TMEM117: variants seen among roughly 807,000 people sequenced by gnomAD.
The protein encoded by TMEM117 is transmembrane protein 117.
In TMEM117, 27 loss-of-function variants were observed where a neutral mutation model predicts 52.4. That is an observed-to-expected ratio of 0.51 (90% CI 0.38 to 0.71). The LOEUF is 0.71. Ranked by LOEUF, TMEM117 falls within the 30% of genes least tolerant of loss-of-function variation. The pLI, the probability that TMEM117 is intolerant of heterozygous loss-of-function variation, is 0.00. For synonymous variants in TMEM117, 215 were observed against 206.3 expected, an observed-to-expected ratio of 1.04 and a Z score of -0.36; for missense variants, 556 against 630.5, an observed-to-expected ratio of 0.88 and a Z score of 1.26.
intron 3 of TMEM117, among the ~76,000 whole-genome samples, chr12:44,132,262 T>C (rs1312006805): frequency 6.6e-6 from 1 of 151,784 alleles, no homozygotes; most frequent in East Asian, 1.9e-4. Context: ...GGGACTCATA[T>C]GTGTATGTAC....
At chr12:43,798,732 G>C in the TMEM117 span, 2 of 922,048 alleles carry the variant, frequency 2.2e-6, no homozygotes, top group Non-Finnish European at 3.1e-6. Flanking sequence ...CCATTCTCCA[G>C]ACTGATTCCT....
intron 3 of TMEM117, among the ~76,000 whole-genome samples, chr12:44,011,700 TAA>T (rs1009720922): frequency 9.3e-5 from 14 of 150,834 alleles, no homozygotes; most frequent in Admixed American, 3.9e-4. Flanking sequence ...GTTTATTTTA[TAA>T]GTTAGGCATA....
chr12:44,216,280 A>G (rs1949717592), intron 5 of TMEM117, among the ~76,000 whole-genome samples: 1 of 152,086 alleles, frequency 6.6e-6, no homozygotes, highest in South Asian at 2.1e-4. Context: ...TTCTGGGATT[A>G]CAGGCATGAG....
the TMEM117 span, among the ~76,000 whole-genome samples, chr12:43,798,830 G>C: frequency 6.6e-6 from 1 of 151,994 alleles, no homozygotes; most frequent in African/African-American, 2.4e-5. Context: ...AGTCCCAGTA[G>C]AAATACAGTA....
intron 1 of TMEM117, among the ~76,000 whole-genome samples, chr12:43,842,348 G>A (rs1943129193): frequency 6.6e-6 from 1 of 152,046 alleles, no homozygotes; most frequent in African/African-American, 2.4e-5. Flanking sequence ...CAGCCCCTGG[G>A]GACAGATTTC....
chr12:43,809,879 C>A, the TMEM117 span, among the ~76,000 whole-genome samples: 2 of 152,196 alleles, frequency 1.3e-5, no homozygotes, highest in Non-Finnish European at 2.9e-5. Context: ...ATTGCTAAAA[C>A]TCCTCACGAA....
At chr12:43,849,004 C>A (rs1943260534) in intron 2 of TMEM117, among the ~76,000 whole-genome samples, 1 of 152,140 alleles carries the variant, frequency 6.6e-6, no homozygotes, top group Non-Finnish European at 1.5e-5. Context: ...CAGAAGTAAA[C>A]CATTCTTTAG....
intron 4 of TMEM117, among the ~76,000 whole-genome samples, chr12:44,184,876 T>G (rs1050478550): frequency 2.0e-5 from 3 of 152,236 alleles, no homozygotes; most frequent in African/African-American, 7.2e-5. Flanking sequence ...AATAGAAAAC[T>G]AATGCAATCT....
intron 5 of TMEM117, among the ~76,000 whole-genome samples, chr12:44,262,672 T>C (rs1343863590): frequency 6.6e-6 from 1 of 152,206 alleles, no homozygotes; most frequent in Non-Finnish European, 1.5e-5. Flanking sequence ...AATCTCGCTC[T>C]GCATCCTGGG....
intron 4 of TMEM117, among the ~76,000 whole-genome samples, chr12:44,171,257 C>T (rs1475417112): frequency 2.6e-5 from 4 of 152,194 alleles, no homozygotes; most frequent in South Asian, 4.1e-4. Flanking sequence ...CCTCGTGATC[C>T]GCCCGCCTCG....
chr12:44,361,526 G>A (rs564756135), intron 6 of TMEM117, among the ~76,000 whole-genome samples: 5 of 152,274 alleles, frequency 3.3e-5, no homozygotes, highest in African/African-American at 1.2e-4. Context: ...GGTATTCCAA[G>A]GCCTTGCACA....
intron 2 of TMEM117, among the ~76,000 whole-genome samples, chr12:43,912,507 T>TTATATATATATA (rs56170922): frequency 0.017 from 2,283 of 131,416 alleles, 77 homozygotes; most frequent in African/African-American, 0.023. Flanking sequence ...TAATAATAAT[T>TTATATATATATA]TATATATATA....
intron 3 of TMEM117, among the ~76,000 whole-genome samples, chr12:44,034,450 T>C (rs1266738163): frequency 6.6e-6 from 1 of 152,224 alleles, no homozygotes; most frequent in Non-Finnish European, 1.5e-5. Context: ...ATAATAGTTG[T>C]TAAATTAGTC....
chr12:44,079,973 A>T (rs1238678349), intron 3 of TMEM117, among the ~76,000 whole-genome samples: 3 of 146,318 alleles, frequency 2.1e-5, no homozygotes, highest in Non-Finnish European at 4.5e-5. Flanking sequence ...CACCGAGATG[A>T]TGGCATTGCA....
chr12:43,958,674 C>G lies in TMEM117; in HGVS notation c.410+14332C>G, dbSNP rs371872234. 2.2e-4 allele frequency among the ~76,000 whole-genome samples: 33 copies of G among 152,288 alleles called. No homozygotes were observed. In the East Asian group the frequency reaches 5.2e-3, roughly 24 times the overall value. On this transcript the variant is annotated intron_variant, in intron 3 of 7. Coordinates refer to ENST00000266534, the MANE Select transcript of TMEM117 (RefSeq NM_032256.3). ...GTAAGAAGTCACGTGGAGAACTCAT[C>G]TGGCTGGGTGTGGTGAGTACCCTCA...
chr12:44,125,353 C>A (rs569635130), intron 3 of TMEM117, among the ~76,000 whole-genome samples: 2 of 152,030 alleles, frequency 1.3e-5, no homozygotes, highest in Non-Finnish European at 2.9e-5. Flanking sequence ...GTGATCTGCC[C>A]GCCTCGGCCT....
At chr12:43,944,653 C>A (rs1366616403) in intron 3 of TMEM117, among the ~76,000 whole-genome samples, 2 of 151,996 alleles carry the variant, frequency 1.3e-5, no homozygotes, top group East Asian at 3.9e-4. Flanking sequence ...TATTGATTTG[C>A]ATATATTCAA....
chr12:44,007,873 A>G (rs1262860199), intron 3 of TMEM117, among the ~76,000 whole-genome samples: 2 of 152,106 alleles, frequency 1.3e-5, no homozygotes, highest in Non-Finnish European at 2.9e-5. Context: ...GTCTTCTGCC[A>G]TGATTGTGAG....
At chr12:43,912,916 G>C (rs1260996054) in intron 2 of TMEM117, among the ~76,000 whole-genome samples, 1 of 152,140 alleles carries the variant, frequency 6.6e-6, no homozygotes, top group East Asian at 1.9e-4. Flanking sequence ...TCCAAGAAAG[G>C]CTTGTCATTA....
Sources: gnomAD v4.1 joint callset for allele counts (sites outside exome capture counted in the v4.1 genomes callset) on GRCh38, gnomAD v4.1.1 for gene constraint, MANE v1.5 for transcripts, NCBI Gene and HGNC (gene_info 2026-07-23, HGNC 2026-07-21) for gene names.